The following FMN2 variants were observed in gnomAD, a reference collection of about 807,000 sequenced individuals.
FMN2 encodes formin-2.
FMN2 carries 51 observed loss-of-function variants against 142.3 expected under a neutral mutation model. That is an observed-to-expected ratio of 0.36 (90% CI 0.29 to 0.45). FMN2 has a LOEUF of 0.45. Ranked by LOEUF, FMN2 falls within the 20% of genes least tolerant of loss-of-function variation. FMN2 has a pLI of 1.00. For missense variants in FMN2, 1,936 were observed against 2,122.8 expected, an observed-to-expected ratio of 0.91 and a Z score of 1.73; for synonymous variants, 882 against 869.8, an observed-to-expected ratio of 1.01 and a Z score of -0.25.
intron 7 of FMN2, among the ~76,000 whole-genome samples, chr1:240,272,937 G>A (rs987406193): frequency 5.9e-5 from 9 of 152,156 alleles, no homozygotes; most frequent in African/African-American, 2.2e-4. Context: ...AAGAAAATAA[G>A]TTGTATAGAA....
intron 1 of FMN2, among the ~76,000 whole-genome samples, chr1:240,101,338 TG>T (rs1179981605): frequency 6.6e-6 from 1 of 152,182 alleles, no homozygotes; most frequent in African/African-American, 2.4e-5. Context: ...TTGGTAGAGC[TG>T]AAGAAAATTC....
At chr1:240,330,490 C>A (rs564086448) in intron 10 of FMN2, 113 bp from the exon 11 acceptor site, 2 of 1,068,324 alleles carry the variant, frequency 1.9e-6, no homozygotes, top group Non-Finnish European at 2.7e-6. Context: ...TGATAAAGTT[C>A]GGTTGTGACC....
intron 2 of FMN2, among the ~76,000 whole-genome samples, chr1:240,146,133 C>T (rs947703257): frequency 1.3e-5 from 2 of 151,364 alleles, no homozygotes; most frequent in East Asian, 3.9e-4. Flanking sequence ...CCTGTAATCC[C>T]AGTACTTTGG....
chr1:240,115,938 C>T (rs1365902950), intron 1 of FMN2, among the ~76,000 whole-genome samples: 1 of 152,078 alleles, frequency 6.6e-6, no homozygotes, highest in African/African-American at 2.4e-5. Context: ...ACAGGAGATT[C>T]CCAGAATTGA....
chr1:240,394,328 AT>A (rs1673702442), intron 15 of FMN2, among the ~76,000 whole-genome samples: 1 of 152,196 alleles, frequency 6.6e-6, no homozygotes, highest in Non-Finnish European at 1.5e-5. Context: ...CTATGGGACC[AT>A]TGAGCCTGTT....
At chr1:240,263,555 T>C (rs1046362264) in intron 7 of FMN2, among the ~76,000 whole-genome samples, 1 of 152,170 alleles carries the variant, frequency 6.6e-6, no homozygotes, top group African/African-American at 2.4e-5. Flanking sequence ...TTTCAGACAT[T>C]AGTATGCGTA....
chr1:240,214,426 C>T (rs1437589411), intron 6 of FMN2, among the ~76,000 whole-genome samples: 1 of 151,754 alleles, frequency 6.6e-6, no homozygotes, highest in Non-Finnish European at 1.5e-5. Context: ...CAGCAGGTGC[C>T]CGTAGTCTCA....
intron 3 of FMN2, chr1:240,180,199 T>C: frequency 1.6e-6 from 2 of 1,275,776 alleles, no homozygotes; most frequent in Non-Finnish European, 2.1e-6. Context: ...TAATTTAACT[T>C]AGTGACTTAT....
chr1:240,424,465 A>G (rs966097730), intron 15 of FMN2, among the ~76,000 whole-genome samples: 1 of 152,204 alleles, frequency 6.6e-6, no homozygotes, highest in African/African-American at 2.4e-5. Context: ...TATAAATGCC[A>G]TGAGTTATCT....
chr1:240,262,629 C>G (rs927042342), intron 7 of FMN2, among the ~76,000 whole-genome samples: 2 of 152,052 alleles, frequency 1.3e-5, no homozygotes, highest in African/African-American at 4.8e-5. Flanking sequence ...ATTTGCAATT[C>G]CATAAGCTTC....
chr1:240,248,428 A>C (rs1258084654), intron 6 of FMN2, among the ~76,000 whole-genome samples: 2 of 62,880 alleles, frequency 3.2e-5, no homozygotes, highest in East Asian at 1.2e-3. Context: ...CATACATGTG[A>C]TTGGATATAT....
chr1:240,143,522 CAA>C (rs200591057), intron 2 of FMN2: 23,059 of 1,589,174 alleles, frequency 0.015, 182 homozygotes, highest in Non-Finnish European at 0.016. Context: ...TCTTTGGAGT[CAA>C]AGTGTTCGCT....
intron 2 of FMN2, among the ~76,000 whole-genome samples, chr1:240,123,837 C>T (rs1289764387): frequency 1.3e-5 from 2 of 152,172 alleles, no homozygotes; most frequent in African/African-American, 4.8e-5. Flanking sequence ...CTCCTCTTTC[C>T]CCAAGCCCCT....
chr1:240,413,120 CAAAAAAAAAAAA>C lies in FMN2; in HGVS notation c.4910+20576_4910+20587del, dbSNP rs35590068. ...CCTGGGCGACAAAGCGAGACTCTGT[CAAAAAAAAAAAA>C]AAAAAAAAAAAAAAAAAGCAGCAAA... On this transcript the variant is annotated intron_variant, in intron 15 of 17. Transcript: ENST00000319653. Among the ~76,000 whole-genome samples, 99 of 24,592 alleles carry C rather than the reference CAAAAAAAAAAAA, an allele frequency of 4.0e-3. 1 individual carries two copies. The highest frequency in any genetic ancestry group is 0.033 in the Middle Eastern group (1 of 30). The allele number at this position is 24,592 out of a possible 152,430, so 16.1% of individuals were successfully genotyped here. A position where few individuals can be genotyped will look rare whatever the true frequency, so the allele number is the denominator to read the frequency against.
intron 2 of FMN2, chr1:240,144,245 C>A: frequency 6.3e-7 from 1 of 1,586,326 alleles, no homozygotes; most frequent in South Asian, 1.1e-5. Flanking sequence ...CACAAAGCCA[C>A]TCACAAAAGA....
At chr1:240,294,786 C>T in intron 7 of FMN2, 36 bp from the exon 8 acceptor site, 1 of 1,606,880 alleles carries the variant, frequency 6.2e-7, no homozygotes, top group African/African-American at 1.3e-5. Flanking sequence ...TCACAGGTGG[C>T]TTATGGCAAT....
chr1:240,319,755 T>G (rs1435728884), intron 8 of FMN2, among the ~76,000 whole-genome samples: 1 of 152,148 alleles, frequency 6.6e-6, no homozygotes, highest in Non-Finnish European at 1.5e-5. Flanking sequence ...GGAGCCACTT[T>G]GTTCGTGTAT....
chr1:240,256,514 G>C (rs1668454193), intron 6 of FMN2, among the ~76,000 whole-genome samples: 1 of 151,220 alleles, frequency 6.6e-6, no homozygotes, highest in Non-Finnish European at 1.5e-5. Flanking sequence ...CGAGGTGGGT[G>C]GATCACCTGA....
intron 6 of FMN2, among the ~76,000 whole-genome samples, chr1:240,246,542 GA>G (rs2102877414): frequency 6.6e-6 from 1 of 152,280 alleles, no homozygotes; most frequent in East Asian, 1.9e-4. Context: ...CAACACATTA[GA>G]AAGCAAGTAG....
Sources: allele counts gnomAD v4.1 joint callset (sites outside exome capture counted in the v4.1 genomes callset), GRCh38; gene constraint gnomAD v4.1.1; transcripts MANE v1.5; gene names NCBI Gene and HGNC (gene_info 2026-07-23, HGNC 2026-07-21).